TMC6: variants seen among roughly 807,000 people sequenced by gnomAD.
TMC6 encodes the protein transmembrane channel like 6.
A neutral mutation model predicts 95.4 loss-of-function variants in TMC6; 71 were observed. The ratio of observed to expected loss-of-function variants is 0.74; its 90% CI spans 0.61 to 0.91. The LOEUF (loss-of-function observed/expected upper bound fraction) is 0.91. Ranked by LOEUF, TMC6 falls within the 40% of genes least tolerant of loss-of-function variation. The pLI is 0.00. For missense variants in TMC6, 1,074 were observed against 1,079.1 expected, an observed-to-expected ratio of 1.00 and a Z score of 0.07; for synonymous variants, 514 against 483.1, an observed-to-expected ratio of 1.06 and a Z score of -0.84.
Position 78,121,432 on chromosome 17 carries a change from G to A in TMC6, c.1383+124C>T, listed in dbSNP as rs544744971. 7.3e-4 allele frequency: 1,107 copies of A among 1,515,960 alleles called. 2 individuals are homozygous for A. Among genetic ancestry groups the A allele is most frequent in the Non-Finnish European group, 9.1e-4 (1,013 of 1,114,594 alleles). The allele number at this position is 1,515,960 out of a possible 1,614,324, so 93.9% of individuals were successfully genotyped here. A position where few individuals can be genotyped will look rare whatever the true frequency, so the allele number is the denominator to read the frequency against. ...AGGGGGCCCCAGCACGGGGCACAGC[G>A]TACGTGGCACCCTGGGCTGGCTGGG... On this transcript the variant is annotated intron_variant, in intron 11 of 19. Coordinates refer to ENST00000590602, the MANE Select transcript of TMC6 (RefSeq NM_001127198.5). The surrounding 1 kb of genome is among the most constrained non-coding windows in gnomAD (Gnocchi z 5.6).
chr17:78,132,364 T>A, upstream of TMC6: 1 of 1,612,876 alleles, frequency 6.2e-7, no homozygotes, highest in East Asian at 2.2e-5. Context: ...TGCAGGCCTC[T>A]TCGGCACAGG....
chr17:78,128,798 C>CGGGGGGGGGGG (rs549646681), upstream of TMC6: 2 of 75,282 alleles, frequency 2.7e-5, no homozygotes, highest in Non-Finnish European at 5.7e-5. The surrounding 1 kb of genome is among the most constrained non-coding windows in gnomAD (Gnocchi z 4.0). Flanking sequence ...CCCACGTGGG[C>CGGGGGGGGGGG]GGGGGGGGGG....
chr17:78,125,954 A>G, intron 4 of TMC6, 70 bp from the exon 5 acceptor site: 2 of 1,542,304 alleles, frequency 1.3e-6, no homozygotes, highest in Non-Finnish European at 8.8e-7. Flanking sequence ...TGGGCTCACC[A>G]CAGGCCTCTG....
Position 78,121,457 on chromosome 17 carries a change from G to T in TMC6, c.1383+99C>A. ...GTACGTGGCACCCTGGGCTGGCTGG[G>T]TGGAGGAGGAGAGGCAAGGCTGCCT... On this transcript the variant is annotated intron_variant, in intron 11 of 19. Transcript: ENST00000590602. This position sits in a 1 kb window ranked among gnomAD's most constrained non-coding sequence, Gnocchi z 5.6. The T allele has an allele frequency of 6.4e-7, 1 of 1,574,630 alleles. No individual in the cohort carries two copies. Among genetic ancestry groups the T allele is most frequent in the Non-Finnish European group, 8.6e-7 (1 of 1,160,138 alleles).
chr17:78,119,141 G>T, intron 14 of TMC6, 95 bp from the exon 15 acceptor site: 1 of 1,494,798 alleles, frequency 6.7e-7, no homozygotes, highest in Non-Finnish European at 9.2e-7. Flanking sequence ...TGTGACAGTG[G>T]CCAAAACTGA....
upstream of TMC6, chr17:78,131,352 A>C: frequency 1.6e-6 from 1 of 611,592 alleles, no homozygotes; most frequent in Non-Finnish European, 2.9e-6. Context: ...ATTCGACCGC[A>C]GCAGGATTCT....
At chr17:78,113,411 GGGGAGATTTTTGTAGGTCAAAAGC>G in intron 19 of TMC6, 113 bp downstream of exon 19, 1 of 1,256,282 alleles carries the variant, frequency 8.0e-7, no homozygotes, top group Non-Finnish European at 1.1e-6. Context: ...GGGCGCCGGG[GGGGAGATTTTTGTAGGTCAAAAGC>G]GGTCAAGTGT....
chr17:78,120,152 C>CTTT (rs35789255), intron 13 of TMC6: 713 of 151,084 alleles, frequency 4.7e-3, no homozygotes, highest in South Asian at 9.8e-3. Flanking sequence ...ATACACGTTA[C>CTTT]TTTTTTTTTT....
upstream of TMC6, chr17:78,131,177 G>A: frequency 3.2e-6 from 1 of 312,868 alleles, no homozygotes; most frequent in African/African-American, 2.3e-5. Flanking sequence ...GGGTGACGGT[G>A]GGCCCAGGCA....
chr17:78,123,906 A>T (rs1447140212), intron 9 of TMC6, 83 bp downstream of exon 9: 1 of 1,547,568 alleles, frequency 6.5e-7, no homozygotes, highest in African/African-American at 1.4e-5. Flanking sequence ...AGAAAGGAAG[A>T]GGGAAGAATC....
In TMC6 at chr17:78,110,131, CAG is replaced by C. The variant is rs1485887719; in HGVS notation, c.*3015_*3016del. 6.5e-6 allele frequency: 1 copy of C among 153,110 alleles called. No individual in the cohort carries two copies. The highest frequency in any genetic ancestry group is 1.5e-5 in the Non-Finnish European group (1 of 68,784). The allele number at this position is 153,110 out of a possible 1,614,324, so 9.5% of individuals were successfully genotyped here. On this transcript the variant is annotated 3_prime_UTR_variant, in exon 20 of 20. Transcript: ENST00000590602. ...TAATTCAAATCCAAATCAACTCAAT[CAG>C]AATCTCTCGGGGTGGGCCTCAGGCA... is the stretch of plus-strand genomic sequence containing the variant.
At position 78,109,263 on chromosome 17, in the gene TMC6, C is replaced by T. The variant is rs2073776061; in HGVS notation, c.*3885G>A. On this transcript the variant is annotated 3_prime_UTR_variant, in exon 20 of 20. Coordinates refer to ENST00000590602, the MANE Select transcript of TMC6 (RefSeq NM_001127198.5). ...CAGACACAGAGGCATCATGGCGAGC[C>T]CCGACTGAGTGTTCAGTGAAGAGGG... 1 of 354,766 alleles carries T rather than the reference C, an allele frequency of 2.8e-6. No individual in the cohort carries two copies. Among genetic ancestry groups the T allele is most frequent in the Non-Finnish European group, 5.6e-6 (1 of 177,786 alleles). The allele number at this position is 354,766 out of a possible 1,614,324, so 22.0% of individuals were successfully genotyped here. A position where few individuals can be genotyped will look rare whatever the true frequency, so the allele number is the denominator to read the frequency against.
upstream of TMC6, chr17:78,131,528 G>T (rs970046172): frequency 2.0e-6 from 3 of 1,533,728 alleles, no homozygotes; most frequent in Non-Finnish European, 2.6e-6. Flanking sequence ...TCATCCAACC[G>T]GGGACTCATA....
upstream of TMC6, chr17:78,131,912 C>A: frequency 6.7e-7 from 1 of 1,495,298 alleles, no homozygotes; most frequent in Non-Finnish European, 8.9e-7. Flanking sequence ...GGGTGCAGAC[C>A]TTGCGCTGGC....
intron 9 of TMC6, chr17:78,123,037 G>A: frequency 1.9e-6 from 1 of 533,944 alleles, no homozygotes; most frequent in Non-Finnish European, 3.4e-6. Context: ...GAAGATGCTG[G>A]GCTCACCTCA....
In TMC6 at chr17:78,121,237, C is replaced by T; in HGVS notation, c.1384-73G>A. On this transcript the variant is annotated intron_variant, in intron 11 of 19. Coordinates refer to ENST00000590602, the MANE Select transcript of TMC6 (RefSeq NM_001127198.5). The surrounding 1 kb of genome is among the most constrained non-coding windows in gnomAD (Gnocchi z 5.6). ...GGGAGCGGGCAGCTACAGGGAAGGGCCCGGGGTGGAACTGGCAGGTAGCAC... is the reference window on the plus strand; with the variant it reads ...GGGAGCGGGCAGCTACAGGGAAGGGTCCGGGGTGGAACTGGCAGGTAGCAC... 2 of 1,539,756 alleles carry T rather than the reference C, an allele frequency of 1.3e-6. No individual in the cohort carries two copies. Among genetic ancestry groups the T allele is most frequent in the Non-Finnish European group, 1.7e-6 (2 of 1,146,178 alleles).
chr17:78,118,478 C>T (rs559752035), intron 15 of TMC6, among the ~76,000 whole-genome samples: 1 of 152,104 alleles, frequency 6.6e-6, no homozygotes, highest in Non-Finnish European at 1.5e-5. Context: ...ATGGCGTGAA[C>T]CTGGGAGGCG....
rs1443773256 is a variant in TMC6, at chr17:78,109,485, T to G, written c.*3663A>C. On this transcript the variant is annotated 3_prime_UTR_variant, in exon 20 of 20. Coordinates refer to ENST00000590602, the MANE Select transcript of TMC6 (RefSeq NM_001127198.5). ...CTGAACAGCACAAGTGTAGTATGCC[T>G]GGGCCCCAGGTCATCATGAAAACCA... 2.2e-6 allele frequency: 1 copy of G among 456,636 alleles called. No individual in the cohort carries two copies. Among genetic ancestry groups the G allele is most frequent in the Middle Eastern group, 3.3e-4 (1 of 3,076 alleles). 28.3% of individuals were successfully genotyped at this position (456,636 alleles called of 1,614,324 possible). A position where few individuals can be genotyped will look rare whatever the true frequency, so the allele number is the denominator to read the frequency against.
At chr17:78,118,768 T>C (rs2074259994) in intron 15 of TMC6, among the ~76,000 whole-genome samples, 1 of 152,136 alleles carries the variant, frequency 6.6e-6, no homozygotes, top group Admixed American at 6.5e-5. Context: ...CCAGCGATGC[T>C]TCCCAGCCTG....
Sources: gnomAD v4.1 joint callset for allele counts (sites outside exome capture counted in the v4.1 genomes callset) on GRCh38, gnomAD v4.1.1 for gene constraint, Gnocchi (gnomAD v3.1) non-coding constraint, MANE v1.5 for transcripts, NCBI Gene and HGNC (gene_info 2026-07-23, HGNC 2026-07-21) for gene names.